The following RHBDD1 variants were observed in gnomAD, a reference collection of about 807,000 sequenced individuals.
The protein encoded by RHBDD1 is rhomboid domain containing 1.
A neutral mutation model predicts 36.3 loss-of-function variants in RHBDD1; 38 were observed. The observed-to-expected ratio is 1.05, with a 90% CI of 0.81 to 1.37. The LOEUF is 1.37. Among genes scored for constraint, RHBDD1 ranks in the 40% most tolerant of loss-of-function variants. The pLI, the probability that RHBDD1 is intolerant of heterozygous loss-of-function variation, is 0.00. For missense variants in RHBDD1, 393 were observed against 377.6 expected, an observed-to-expected ratio of 1.04 and a Z score of -0.34; for synonymous variants, 151 against 136.5, an observed-to-expected ratio of 1.11 and a Z score of -0.74.
chr2:226,862,066 T>C (rs909116703), intron 3 of RHBDD1, among the ~76,000 whole-genome samples: 3 of 152,146 alleles, frequency 2.0e-5, no homozygotes, highest in Non-Finnish European at 2.9e-5. Context: ...TTTCTGAACA[T>C]TGTTTTGGTG....
intron 7 of RHBDD1, among the ~76,000 whole-genome samples, chr2:226,909,619 G>A (rs1948370604): frequency 6.6e-6 from 1 of 152,008 alleles, no homozygotes; most frequent in African/African-American, 2.4e-5. Context: ...ATGAGGGTAG[G>A]GCCCTCATGA....
intron 3 of RHBDD1, among the ~76,000 whole-genome samples, chr2:226,848,316 A>C (rs911615274): frequency 2.0e-5 from 3 of 152,226 alleles, no homozygotes; most frequent in African/African-American, 4.8e-5. Context: ...TGTTTTAAAA[A>C]TGCATGAATA....
At chr2:226,901,281 G>A (rs978665386) in intron 5 of RHBDD1, among the ~76,000 whole-genome samples, 12 of 151,954 alleles carry the variant, frequency 7.9e-5, no homozygotes, top group South Asian at 2.1e-4. Flanking sequence ...TTTCTTTATC[G>A]GTTGATGTAC....
chr2:226,802,126 C>T, the RHBDD1 span, among the ~76,000 whole-genome samples: 659 of 152,152 alleles, frequency 4.3e-3, 4 homozygotes, highest in African/African-American at 0.015. Context: ...TTGCACGTAC[C>T]TCACAATTAT....
chr2:226,922,032 T>C (rs903731773), intron 8 of RHBDD1, among the ~76,000 whole-genome samples: 2 of 152,062 alleles, frequency 1.3e-5, no homozygotes, highest in Non-Finnish European at 2.9e-5. Context: ...TAGATGCATA[T>C]ATAATTATAA....
chr2:226,841,731 A>G (rs1210049034), intron 3 of RHBDD1, among the ~76,000 whole-genome samples: 1 of 152,178 alleles, frequency 6.6e-6, no homozygotes, highest in East Asian at 1.9e-4. Context: ...TGTTTTTGCT[A>G]TTGTGAATAG....
intron 3 of RHBDD1, among the ~76,000 whole-genome samples, chr2:226,845,109 A>C (rs1011805419): frequency 6.6e-6 from 1 of 152,174 alleles, no homozygotes; most frequent in Non-Finnish European, 1.5e-5. Flanking sequence ...TTTTACATAA[A>C]GTTTATTTTA....
At chr2:226,885,882 C>G (rs989006817) in intron 5 of RHBDD1, among the ~76,000 whole-genome samples, 2 of 152,088 alleles carry the variant, frequency 1.3e-5, no homozygotes, top group Admixed American at 6.5e-5. Flanking sequence ...TTTTTCAATC[C>G]GATAACCGAG....
intron 8 of RHBDD1, among the ~76,000 whole-genome samples, chr2:226,917,913 T>G (rs1949026808): frequency 6.6e-6 from 1 of 152,016 alleles, no homozygotes; most frequent in Non-Finnish European, 1.5e-5. Context: ...TAATAGTTAA[T>G]TGATGATTTT....
chr2:226,856,315 T>C (rs761761225), intron 3 of RHBDD1, among the ~76,000 whole-genome samples: 1 of 152,224 alleles, frequency 6.6e-6, no homozygotes, highest in Non-Finnish European at 1.5e-5. Context: ...GTTAATAAAT[T>C]CGTGTTTTTC....
chr2:226,876,786 TTAATA>T (rs1287903208), intron 5 of RHBDD1, among the ~76,000 whole-genome samples: 2 of 152,138 alleles, frequency 1.3e-5, no homozygotes, highest in African/African-American at 4.8e-5. Flanking sequence ...TTAAAAAAAA[TTAATA>T]TAATTCATTA....
chr2:226,898,255 C>T (rs542613358), intron 5 of RHBDD1, among the ~76,000 whole-genome samples: 4 of 152,232 alleles, frequency 2.6e-5, no homozygotes, highest in East Asian at 1.9e-4. Context: ...TATTAGCAGG[C>T]GTAGGGACAT....
the RHBDD1 span, among the ~76,000 whole-genome samples, chr2:226,813,387 T>C: frequency 6.6e-6 from 1 of 152,182 alleles, no homozygotes; most frequent in Non-Finnish European, 1.5e-5. Flanking sequence ...TGGGCTTTCA[T>C]GTTAGATAGA....
intron 8 of RHBDD1, among the ~76,000 whole-genome samples, chr2:226,930,406 G>A (rs971816955): frequency 6.6e-6 from 1 of 151,978 alleles, no homozygotes; most frequent in African/African-American, 2.4e-5. Flanking sequence ...ATTGAGGAAT[G>A]GACACCCTAT....
chr2:226,824,114 AT>A, the RHBDD1 span, among the ~76,000 whole-genome samples: 5 of 152,138 alleles, frequency 3.3e-5, no homozygotes, highest in South Asian at 4.1e-4. Flanking sequence ...ATATATATCC[AT>A]ATACACACAT....
chr2:226,825,067 A>G, the RHBDD1 span, among the ~76,000 whole-genome samples: 1 of 152,224 alleles, frequency 6.6e-6, no homozygotes, highest in Non-Finnish European at 1.5e-5. Flanking sequence ...CAGAACATTC[A>G]TAGCTTCTCC....
intron 8 of RHBDD1, among the ~76,000 whole-genome samples, chr2:226,923,378 C>A (rs1037106912): frequency 6.6e-6 from 1 of 152,070 alleles, no homozygotes; most frequent in Admixed American, 6.6e-5. Flanking sequence ...CACTGAAGTC[C>A]GCTGTCAGAA....
chr2:226,916,117 T>G (rs139471225), intron 8 of RHBDD1, among the ~76,000 whole-genome samples: 1 of 152,196 alleles, frequency 6.6e-6, no homozygotes, highest in Non-Finnish European at 1.5e-5. Context: ...AAACAAGTCT[T>G]ATGCTGGCAC....
At chr2:226,862,728 A>G (rs192133161) in intron 3 of RHBDD1, among the ~76,000 whole-genome samples, 1 of 152,288 alleles carries the variant, frequency 6.6e-6, no homozygotes, top group African/African-American at 2.4e-5. Flanking sequence ...AGTCTGAGTA[A>G]TTTATAAAGA....
Sources: allele counts gnomAD v4.1 joint callset (sites outside exome capture counted in the v4.1 genomes callset), GRCh38; gene constraint gnomAD v4.1.1; transcripts MANE v1.5; gene names NCBI Gene and HGNC (gene_info 2026-07-23, HGNC 2026-07-21).